Variants in ASAP1 observed in about 807,000 individuals in gnomAD.
ASAP1 encodes ArfGAP with SH3 domain, ankyrin repeat and PH domain 1, also known as arf-GAP with SH3 domain, ANK repeat and PH domain-containing protein 1.
A neutral mutation model predicts 145.2 loss-of-function variants in ASAP1; 43 were observed. That is an observed-to-expected ratio of 0.30 (90% CI 0.23 to 0.38). The LOEUF (loss-of-function observed/expected upper bound fraction) is 0.38, where lower values mean the gene tolerates loss of function less well. Ranked by LOEUF, ASAP1 falls within the 10% of genes least tolerant of loss-of-function variation. ASAP1 has a pLI of 1.00. For missense variants in ASAP1, 1,018 were observed against 1,355.3 expected (o/e 0.75, Z 3.91); for synonymous variants, 546 against 515.5 (o/e 1.06, Z -0.80).
chr8:130,215,045 T>C (rs1267456241), intron 4 of ASAP1, among the ~76,000 whole-genome samples: 1 of 151,930 alleles, frequency 6.6e-6, no homozygotes, highest in Non-Finnish European at 1.5e-5. Flanking sequence ...GGATTAAAGA[T>C]GCATGCCACC....
At chr8:130,248,746 TG>T (rs1219238764) in intron 3 of ASAP1, among the ~76,000 whole-genome samples, 1 of 152,168 alleles carries the variant, frequency 6.6e-6, no homozygotes, top group Non-Finnish European at 1.5e-5. Context: ...CTTCCTCCTC[TG>T]GGACCACACC....
At chr8:130,091,736 TTGAG>T (rs1189721243) in intron 25 of ASAP1, among the ~76,000 whole-genome samples, 2 of 152,240 alleles carry the variant, frequency 1.3e-5, no homozygotes, top group African/African-American at 2.4e-5. Context: ...GCTATTATAA[TTGAG>T]TAAGATTTAG....
intron 27 of ASAP1, among the ~76,000 whole-genome samples, chr8:130,073,616 A>T (rs1400714192): frequency 2.6e-5 from 4 of 152,182 alleles, no homozygotes; most frequent in Non-Finnish European, 4.4e-5. Flanking sequence ...TCCAGAACAC[A>T]AGTACATAGC....
At chr8:130,320,919 A>G (rs956059723) in intron 3 of ASAP1, among the ~76,000 whole-genome samples, 1 of 152,202 alleles carries the variant, frequency 6.6e-6, no homozygotes, top group Admixed American at 6.5e-5. Flanking sequence ...CATCAGGAAC[A>G]ATAAAACAAG....
At chr8:130,410,897 G>A (rs936601993) in intron 1 of ASAP1, among the ~76,000 whole-genome samples, 2 of 152,154 alleles carry the variant, frequency 1.3e-5, no homozygotes, top group Non-Finnish European at 1.5e-5. Context: ...GTCTTGCTCT[G>A]TCGCCCAGGC....
At chr8:130,087,758 C>G (rs181442712) in intron 25 of ASAP1, among the ~76,000 whole-genome samples, 87 of 152,298 alleles carry the variant, frequency 5.7e-4, no homozygotes, top group Admixed American at 5.6e-3. Flanking sequence ...GGCAAGCGAT[C>G]AGCGTGAACC....
At chr8:130,408,907 G>A (rs1164443122) in intron 1 of ASAP1, among the ~76,000 whole-genome samples, 1 of 152,138 alleles carries the variant, frequency 6.6e-6, no homozygotes, top group East Asian at 1.9e-4. Flanking sequence ...AGGCACTATG[G>A]ATCATGACCA....
intron 27 of ASAP1, among the ~76,000 whole-genome samples, chr8:130,066,563 T>A (rs533353534): frequency 1.3e-5 from 2 of 151,830 alleles, no homozygotes; most frequent in East Asian, 1.9e-4. Flanking sequence ...TTTCTCATTC[T>A]TTCTTTCTTT....
At chr8:130,208,447 A>G (rs993410890) in intron 5 of ASAP1, among the ~76,000 whole-genome samples, 9 of 152,132 alleles carry the variant, frequency 5.9e-5, no homozygotes, top group Non-Finnish European at 5.9e-5. Flanking sequence ...GTAACTACTG[A>G]TCTGCTCTCC....
At chr8:130,357,900 G>T in intron 3 of ASAP1, 117 bp downstream of exon 3, 1 of 1,396,800 alleles carries the variant, frequency 7.2e-7, no homozygotes, top group Non-Finnish European at 9.6e-7. Context: ...GCGGCTCCCT[G>T]AGGGGGTGTG....
chr8:130,137,530 T>C (rs2097597829), intron 13 of ASAP1, among the ~76,000 whole-genome samples: 1 of 152,208 alleles, frequency 6.6e-6, no homozygotes, highest in African/African-American at 2.4e-5. Flanking sequence ...ATATTTCATT[T>C]ATTCATTCAA....
Position 130,128,024 on chromosome 8 carries a change from A to G in ASAP1, c.1284T>C (p.Ser428=), listed in dbSNP as rs778565469. The G allele has an allele frequency of 4.3e-6, 7 of 1,612,766 alleles. No homozygotes were observed. In the East Asian group the frequency reaches 8.9e-5, roughly 21 times the overall value. ...ALTMAFRGEQ[S]AGENSLEDLT... is the part of the protein sequence containing the mutation. The stretch of plus-strand genomic sequence containing the variant: ...GGTCTTCCAGGCTGTTCTCTCCCGC[A>G]CTCTGCTCTCCACGGAAGGCCATGG... The change falls in exon 16 of 30, where the codon AGT becomes AGC. Residue 428 remains serine, a synonymous_variant. Transcript: ENST00000518721.
At chr8:130,351,475 T>C (rs1269470556) in intron 3 of ASAP1, among the ~76,000 whole-genome samples, 1 of 152,214 alleles carries the variant, frequency 6.6e-6, no homozygotes, top group Non-Finnish European at 1.5e-5. Flanking sequence ...CTTGTGTTGT[T>C]ATAAAGGAAT....
At chr8:130,221,648 G>T in intron 4 of ASAP1, among the ~76,000 whole-genome samples, 1 of 152,024 alleles carries the variant, frequency 6.6e-6, no homozygotes, top group Non-Finnish European at 1.5e-5. Flanking sequence ...TCTTTTCCGT[G>T]AGGCCCCTTA....
chr8:130,109,045 G>T (rs182151334), intron 24 of ASAP1, among the ~76,000 whole-genome samples: 415 of 152,192 alleles, frequency 2.7e-3, no homozygotes, highest in African/African-American at 9.6e-3. Context: ...AAAGTGTTGG[G>T]ATTATAGGCG....
intron 3 of ASAP1, among the ~76,000 whole-genome samples, chr8:130,240,589 T>C (rs1818464394): frequency 6.6e-6 from 1 of 152,104 alleles, no homozygotes; most frequent in Non-Finnish European, 1.5e-5. Flanking sequence ...CCCAAATCAT[T>C]AGAAGTATGA....
Position 130,325,836 on chromosome 8 carries a change from C to T in ASAP1, c.186+32181G>A, listed in dbSNP as rs538820226. 2.2e-3 allele frequency among the ~76,000 whole-genome samples: 334 copies of T among 152,072 alleles called. 1 individual carries two copies. The highest frequency in any genetic ancestry group is 4.8e-3 in the Admixed American group (74 of 15,268). ...ATTGTGGATGACAAAACCAAGGCTCCGAGAAGAGACCACAAAACATATGAT... is the reference window on the plus strand; with the variant it reads ...ATTGTGGATGACAAAACCAAGGCTCTGAGAAGAGACCACAAAACATATGAT... On this transcript the variant is annotated intron_variant, in intron 3 of 29. Coordinates refer to ENST00000518721, the MANE Select transcript of ASAP1 (RefSeq NM_018482.4).
chr8:130,146,120 T>A lies in ASAP1; in HGVS notation c.1080+6616A>T, dbSNP rs1009011122. On this transcript the variant is annotated intron_variant, in intron 13 of 29. Transcript: ENST00000518721. The stretch of plus-strand genomic sequence containing the variant: ...ACTCCCAAAGTGCTGGGTTTACAGG[T>A]GAGAGCCAATGCACCTGGCCTGAAA... Among the ~76,000 whole-genome samples, 5 of 150,670 alleles carry A rather than the reference T, an allele frequency of 3.3e-5. No individual in the cohort carries two copies. In the South Asian group the frequency reaches 6.3e-4, roughly 19 times the overall value.
At chr8:130,214,109 G>A (rs1816746601) in intron 5 of ASAP1, among the ~76,000 whole-genome samples, 1 of 152,170 alleles carries the variant, frequency 6.6e-6, no homozygotes, top group Non-Finnish European at 1.5e-5. Flanking sequence ...AAACCAAAAT[G>A]CATGATCACC....
Sources: allele counts gnomAD v4.1 joint callset (sites outside exome capture counted in the v4.1 genomes callset), GRCh38; gene constraint gnomAD v4.1.1; transcripts MANE v1.5; gene names NCBI Gene and HGNC (gene_info 2026-07-23, HGNC 2026-07-21).